Variants in OR9Q2 observed in about 807,000 individuals in gnomAD.
OR9Q2 encodes the protein olfactory receptor family 9 subfamily Q member 2, also known as olfactory receptor 9Q2.
OR9Q2 carries 2 observed loss-of-function variants against 2.3 expected under a neutral mutation model. The observed-to-expected ratio is 0.85, with a 90% CI of 0.35 to 2.68. The LOEUF (loss-of-function observed/expected upper bound fraction) is 2.68. Ranked by LOEUF, OR9Q2 falls within the 30% of genes most tolerant of loss-of-function variation. The pLI is 0.10. For missense variants in OR9Q2, 404 were observed against 395.7 expected, an observed-to-expected ratio of 1.02 and a Z score of -0.18; for synonymous variants, 178 against 158.6, an observed-to-expected ratio of 1.12 and a Z score of -0.92.
Position 58,190,466 on chromosome 11 carries a change from C to G in OR9Q2, c.-25C>G. On this transcript the variant is annotated 5_prime_UTR_variant, in exon 2 of 2. Coordinates refer to ENST00000641291, the MANE Select transcript of OR9Q2 (RefSeq NM_001005283.3). ...TCCCCTCATCTGGCTCTTGTCTTAGCCGTTGCAGGTGAACCACTGGATGGA... is the reference window on the plus strand; with the variant it reads ...TCCCCTCATCTGGCTCTTGTCTTAGGCGTTGCAGGTGAACCACTGGATGGA... The G allele has an allele frequency of 6.5e-7, 1 of 1,529,004 alleles. No individual in the cohort carries two copies. Among genetic ancestry groups the G allele is most frequent in the Non-Finnish European group, 9.0e-7 (1 of 1,107,450 alleles). The allele number at this position is 1,529,004 out of a possible 1,614,324, so 94.7% of individuals were successfully genotyped here. A position where few individuals can be genotyped will look rare whatever the true frequency, so the allele number is the denominator to read the frequency against.
intron 1 of OR9Q2, 103 bp from the exon 2 acceptor site, chr11:58,190,216 G>T: frequency 2.4e-6 from 1 of 416,200 alleles, no homozygotes; most frequent in South Asian, 4.7e-5. Flanking sequence ...AGCTAATTGG[G>T]GACAGAGTTG....
Position 58,190,627 on chromosome 11 carries a change from T to G in OR9Q2, c.137T>G (p.Ile46Ser). ...ACTATGTTAGGGAACACAGGCATGATCCTCCTGATCCGTGGCGATCGTCGG... is the reference window on the plus strand; with the variant it reads ...ACTATGTTAGGGAACACAGGCATGAGCCTCCTGATCCGTGGCGATCGTCGG... ...LATMLGNTGMILLIRGDRRLH... is the reference protein window; with the variant it reads ...LATMLGNTGMSLLIRGDRRLH... The change falls in exon 2 of 2, where the codon ATC becomes AGC. Residue 46 changes from isoleucine to serine, a missense_variant. Transcript: ENST00000641291. 6.2e-7 allele frequency: 1 copy of G among 1,614,146 alleles called. No homozygotes were observed. The highest frequency in any genetic ancestry group is 8.5e-7 in the Non-Finnish European group (1 of 1,180,016).
In OR9Q2 at chr11:58,191,588, A is replaced by G. The variant is rs1854765835; in HGVS notation, c.*153A>G. ...TTTCTGATTTATTATTCCATGTAAT[A>G]CTTATCATCATCTGACATATTAGAT... On this transcript the variant is annotated 3_prime_UTR_variant, in exon 2 of 2. Coordinates refer to ENST00000641291, the MANE Select transcript of OR9Q2 (RefSeq NM_001005283.3). 1.8e-6 allele frequency: 1 copy of G among 560,922 alleles called. No individual in the cohort carries two copies. The highest frequency in any genetic ancestry group is 1.9e-5 in the African/African-American group (1 of 53,562). The allele number at this position is 560,922 out of a possible 1,614,324, so 34.7% of individuals were successfully genotyped here.
Position 58,192,423 on chromosome 11 carries a change from ATCAC to A in OR9Q2, c.*992_*995del, listed in dbSNP as rs1590633949. ...TGTAATCTATTGCCTATTCTATATA[ATCAC>A]TCAACCGGAATTTATTGTTATTGCT... On this transcript the variant is annotated 3_prime_UTR_variant, in exon 2 of 2. Coordinates refer to ENST00000641291, the MANE Select transcript of OR9Q2 (RefSeq NM_001005283.3). 1 of 152,156 alleles carries A rather than the reference ATCAC, an allele frequency of 6.6e-6. No individual in the cohort carries two copies. 9.4% of individuals were successfully genotyped at this position (152,156 alleles called of 1,614,324 possible).
Position 58,192,028 on chromosome 11 carries a change from A to G in OR9Q2, c.*593A>G, listed in dbSNP as rs576909757. 2.6e-5 allele frequency: 4 copies of G among 152,146 alleles called. No individual in the cohort carries two copies. Among genetic ancestry groups the G allele is most frequent in the Admixed American group, 2.6e-4 (4 of 15,272 alleles). The allele number at this position is 152,146 out of a possible 1,614,324, so 9.4% of individuals were successfully genotyped here. On this transcript the variant is annotated 3_prime_UTR_variant, in exon 2 of 2. Transcript: ENST00000641291. Reference sequence around the variant, plus strand: ...ACAAATACAACTGCTGTTTTGATCCAAAGGTATTTTCCAAATTTTGTCATT... The same window carrying G: ...ACAAATACAACTGCTGTTTTGATCCGAAGGTATTTTCCAAATTTTGTCATT...
Position 58,191,053 on chromosome 11 carries a change from C to A in OR9Q2, c.563C>A (p.Ser188Tyr), listed in dbSNP as rs1056917951. 1 of 1,614,188 alleles carries A rather than the reference C, an allele frequency of 6.2e-7. No individual in the cohort carries two copies. Among genetic ancestry groups the A allele is most frequent in the Admixed American group, 1.7e-5 (1 of 60,032 alleles). ...FCDLPPLLKL[S>Y]CGDSYTQEVV... is the part of the protein sequence containing the mutation. The stretch of plus-strand genomic sequence containing the variant: ...GACCTCCCTCCTCTATTAAAACTCT[C>A]CTGTGGGGACAGCTACACTCAGGAA... The change falls in exon 2 of 2, where the codon TCC becomes TAC. Residue 188 changes from serine (S) to tyrosine (Y), a missense_variant. Coordinates refer to ENST00000641291, the MANE Select transcript of OR9Q2 (RefSeq NM_001005283.3).
chr11:58,189,789 G>A (rs1028161751), intron 1 of OR9Q2, among the ~76,000 whole-genome samples: 1 of 152,062 alleles, frequency 6.6e-6, no homozygotes, highest in Admixed American at 6.5e-5. Context: ...AAAAACTTAT[G>A]TTTGCTCTTT....
At position 58,192,291 on chromosome 11, in the gene OR9Q2, G is replaced by C. The variant is rs947104954; in HGVS notation, c.*856G>C. ...TTTATAGGTAGGTGAGGCACTTGAG[G>C]CTTAGAGATGTTGAGTAATATTCTC... On this transcript the variant is annotated 3_prime_UTR_variant, in exon 2 of 2. Coordinates refer to ENST00000641291, the MANE Select transcript of OR9Q2 (RefSeq NM_001005283.3). 2 of 152,068 alleles carry C rather than the reference G, an allele frequency of 1.3e-5. No homozygotes were observed. Among genetic ancestry groups the C allele is most frequent in the Admixed American group, 1.3e-4 (2 of 15,278 alleles). The allele number at this position is 152,068 out of a possible 1,614,324, so 9.4% of individuals were successfully genotyped here.
rs182924459 is a variant in OR9Q2 at position 58,192,377 on chromosome 11, G to A, written c.*942G>A. On this transcript the variant is annotated 3_prime_UTR_variant, in exon 2 of 2. Coordinates refer to ENST00000641291, the MANE Select transcript of OR9Q2 (RefSeq NM_001005283.3). The stretch of plus-strand genomic sequence containing the variant: ...CCCAGCTAGGCCTGAGCTCCTATCG[G>A]ACACACACACTGTTGCTAGCTGTAA... 6.6e-6 allele frequency: 1 copy of A among 152,204 alleles called. No homozygotes were observed. The allele number at this position is 152,204 out of a possible 1,614,324, so 9.4% of individuals were successfully genotyped here.
At position 58,191,333 on chromosome 11, in the gene OR9Q2, G is replaced by C. The variant is rs1482123264; in HGVS notation, c.843G>C (p.Val281=). 2 of 1,614,078 alleles carry C rather than the reference G, an allele frequency of 1.2e-6. No individual in the cohort carries two copies. The highest frequency in any genetic ancestry group is 1.7e-6 in the Non-Finnish European group (2 of 1,180,004). ...TGGTGTCTGTGCTCTACACGGTGGTGACCCCAATGCTGAATCCCCTTATCT... is the reference window on the plus strand; with the variant it reads ...TGGTGTCTGTGCTCTACACGGTGGTCACCCCAATGCTGAATCCCCTTATCT... ...DRVVSVLYTV[V]TPMLNPLIYS... Residue 281 remains valine, a synonymous_variant, in exon 2 of 2, where the codon GTG becomes GTC. Coordinates refer to ENST00000641291, the MANE Select transcript of OR9Q2 (RefSeq NM_001005283.3).
chr11:58,190,661 C>A lies in OR9Q2; in HGVS notation c.171C>A (p.Thr57=), dbSNP rs777679187. The change falls in exon 2 of 2, where the codon ACC becomes ACA. Residue 57 remains threonine (T), a synonymous_variant. Transcript: ENST00000641291. ...TCCGTGGCGATCGTCGGCTCCACAC[C>A]CCGATGTACTTCTTCCTCAGCCACC... is the stretch of plus-strand genomic sequence containing the variant. The part of the protein sequence containing the change: ...LLIRGDRRLH[T]PMYFFLSHLS... The A allele has an allele frequency of 1.2e-5, 19 of 1,614,180 alleles. No individual in the cohort carries two copies. The highest frequency in any genetic ancestry group is 1.6e-5 in the Non-Finnish European group (19 of 1,180,026).
Position 58,191,445 on chromosome 11 carries a change from T to C in OR9Q2, c.*10T>C. 3.9e-6 allele frequency: 6 copies of C among 1,522,488 alleles called. No individual in the cohort carries two copies. Among genetic ancestry groups the C allele is most frequent in the Non-Finnish European group, 5.4e-6 (6 of 1,121,270 alleles). The allele number at this position is 1,522,488 out of a possible 1,614,324, so 94.3% of individuals were successfully genotyped here. ...TGCTAGAAGACCCTAAATGGACCCT[T>C]GTGAAATATATCATTCCTTAGTTTC... On this transcript the variant is annotated 3_prime_UTR_variant, in exon 2 of 2. Coordinates refer to ENST00000641291, the MANE Select transcript of OR9Q2 (RefSeq NM_001005283.3).
At position 58,191,406 on chromosome 11, in the gene OR9Q2, A is replaced by G. The variant is rs1854763742; in HGVS notation, c.916A>G (p.Ser306Gly). 2 of 1,606,400 alleles carry G rather than the reference A, an allele frequency of 1.2e-6. No homozygotes were observed. The highest frequency in any genetic ancestry group is 1.3e-5 in the African/African-American group (1 of 74,438). Reference protein sequence around the residue: ...EVKEATRKALSKSKPARRP With the variant: ...EVKEATRKALGKSKPARRP ...AAAAGAGGCCACTAGGAAAGCCCTG[A>G]GCAAATCAAAGCCTGCTAGAAGACC... is the stretch of plus-strand genomic sequence containing the variant. The change falls in exon 2 of 2, where the codon AGC (serine) becomes GGC (glycine). Residue 306 changes from serine (S) to glycine (G), a missense_variant. Ser to Gly is a moderately conservative substitution (Grantham distance 56). Transcript: ENST00000641291.
Position 58,193,411 on chromosome 11 carries a change from T to G in OR9Q2, c.*1976T>G, listed in dbSNP as rs1018397225. On this transcript the variant is annotated 3_prime_UTR_variant, in exon 2 of 2. Transcript: ENST00000641291. ...ATGCTAAAAGCTTTACATGAATCCT[T>G]TATTTTAGCCCTCCTAACAATGTTA... 3.3e-5 allele frequency: 5 copies of G among 152,178 alleles called. No individual in the cohort carries two copies. The highest frequency in any genetic ancestry group is 1.2e-4 in the African/African-American group (5 of 41,438). The allele number at this position is 152,178 out of a possible 1,614,324, so 9.4% of individuals were successfully genotyped here. A position where few individuals can be genotyped will look rare whatever the true frequency, so the allele number is the denominator to read the frequency against.
In OR9Q2 at chr11:58,190,578, A is replaced by G; in HGVS notation, c.88A>G (p.Ile30Val). The change falls in exon 2 of 2, where the codon ATA becomes GTA. Residue 30 changes from isoleucine (I) to valine (V), a missense_variant. Ile to Val is a conservative substitution (Grantham distance 29). Coordinates refer to ENST00000641291, the MANE Select transcript of OR9Q2 (RefSeq NM_001005283.3). The stretch of plus-strand genomic sequence containing the variant: ...CCAGTGGAGGGTTCCTCTCTTCCTC[A>G]TATTTTTGAGTTTCTATCTTGCCAC... ...HLQWRVPLFL[I>V]FLSFYLATML... The G allele has an allele frequency of 1.9e-6, 3 of 1,614,040 alleles. No individual in the cohort carries two copies. The highest frequency in any genetic ancestry group is 1.6e-4 in the Middle Eastern group (1 of 6,062).
At position 58,192,285 on chromosome 11, in the gene OR9Q2, C is replaced by A. The variant is rs1854772684; in HGVS notation, c.*850C>A. The stretch of plus-strand genomic sequence containing the variant: ...CTCTGCTTTATAGGTAGGTGAGGCA[C>A]TTGAGGCTTAGAGATGTTGAGTAAT... On this transcript the variant is annotated 3_prime_UTR_variant, in exon 2 of 2. Transcript: ENST00000641291. 6.6e-6 allele frequency: 1 copy of A among 152,096 alleles called. No individual in the cohort carries two copies. Among genetic ancestry groups the A allele is most frequent in the Non-Finnish European group, 1.5e-5 (1 of 68,014 alleles). The allele number at this position is 152,096 out of a possible 1,614,324, so 9.4% of individuals were successfully genotyped here.
In OR9Q2 at chr11:58,191,544, C is replaced by A; in HGVS notation, c.*109C>A. ...TAAATAACCCTATGCAAAATCGCAC[C>A]TGAACTTCCCACCTCCACTTTCTGA... On this transcript the variant is annotated 3_prime_UTR_variant, in exon 2 of 2. Coordinates refer to ENST00000641291, the MANE Select transcript of OR9Q2 (RefSeq NM_001005283.3). The A allele has an allele frequency of 1.5e-6, 1 of 661,386 alleles. No individual in the cohort carries two copies. The highest frequency in any genetic ancestry group is 2.6e-6 in the Non-Finnish European group (1 of 389,544). The allele number at this position is 661,386 out of a possible 1,614,324, so 41.0% of individuals were successfully genotyped here. A position where few individuals can be genotyped will look rare whatever the true frequency, so the allele number is the denominator to read the frequency against.
In OR9Q2 at chr11:58,190,668, T is replaced by C. The variant is rs1854751064; in HGVS notation, c.178T>C (p.Tyr60His). ...CGATCGTCGGCTCCACACCCCGATGTACTTCTTCCTCAGCCACCTTTCCTT... is the reference window on the plus strand; with the variant it reads ...CGATCGTCGGCTCCACACCCCGATGCACTTCTTCCTCAGCCACCTTTCCTT... ...RGDRRLHTPM[Y>H]FFLSHLSLVD... The change falls in exon 2 of 2, where the codon TAC becomes CAC. Residue 60 changes from tyrosine to histidine, a missense_variant. Transcript: ENST00000641291. 9 of 1,614,106 alleles carry C rather than the reference T, an allele frequency of 5.6e-6. No individual in the cohort carries two copies. The highest frequency in any genetic ancestry group is 1.7e-5 in the Admixed American group (1 of 60,012).
At chr11:58,189,228 C>G (rs1854735501) in intron 1 of OR9Q2, 120 bp downstream of exon 1, 1 of 152,062 alleles carries the variant, frequency 6.6e-6, no homozygotes, top group Admixed American at 6.5e-5. Flanking sequence ...TGGAAGTGAC[C>G]CCATCTCATC....
Sources: allele counts gnomAD v4.1 joint callset (sites outside exome capture counted in the v4.1 genomes callset), GRCh38; gene constraint gnomAD v4.1.1; transcripts MANE v1.5; gene names NCBI Gene and HGNC (gene_info 2026-07-23, HGNC 2026-07-21).